The following KMT2A variants were observed in gnomAD, a reference collection of about 807,000 sequenced individuals.
The protein encoded by KMT2A is lysine methyltransferase 2A, also known as histone-lysine N-methyltransferase 2A.
Under a neutral mutation model 345.3 loss-of-function variants are expected in KMT2A, and 16 were observed. That is an observed-to-expected ratio of 0.05 (90% CI 0.03 to 0.07). The LOEUF is 0.07. Ranked by LOEUF, KMT2A falls within the 10% of genes least tolerant of loss-of-function variation. The pLI is 1.00. For synonymous variants in KMT2A, 1,599 were observed against 1,778.6 expected (o/e 0.90, Z 2.54); for missense variants, 3,272 against 4,841.6 (o/e 0.68, Z 9.62).
intron 1 of KMT2A, among the ~76,000 whole-genome samples, chr11:118,460,683 G>T (rs373383201): frequency 8.5e-5 from 13 of 152,142 alleles, no homozygotes; most frequent in Admixed American, 3.9e-4. Flanking sequence ...TTAGAGACAG[G>T]ATCTGGCTAT....
rs1555049622 is a variant in KMT2A at position 118,509,930 on chromosome 11, C to T, written c.10901-18C>T. ...GAGCATTTGTTACTGCAACCACTAT[C>T]TATTTTCTCCCTATTAGAACCTAAA... On this transcript the variant is annotated intron_variant, in intron 29 of 35. Transcript: ENST00000534358. 1 of 1,573,766 alleles carries T rather than the reference C, an allele frequency of 6.4e-7. No homozygotes were observed. Among genetic ancestry groups the T allele is most frequent in the Admixed American group, 1.8e-5 (1 of 55,234 alleles).
At position 118,504,546 on chromosome 11, in the gene KMT2A, G is replaced by T; in HGVS notation, c.8654G>T (p.Gly2885Val). The change falls in exon 27 of 36, where the codon GGT becomes GTT. Residue 2885 changes from glycine (G) to valine (V), a missense_variant. Physicochemically the swap from Gly to Val is moderately radical, Grantham distance 109 (BLOSUM62 -3). This residue lies in a region of KMT2A where 17 missense variants were observed against 50.6 expected (regional missense o/e 0.34). Transcript: ENST00000534358. This position sits in a 1 kb window ranked among gnomAD's most constrained non-coding sequence, Gnocchi z 6.4. ...SELLNLGEGL[G>V]LDSNREKDMG... ...CTCCTGAATCTTGGTGAAGGATTGG[G>T]TCTTGACAGTAATCGTGAAAAAGAC... 6.2e-7 allele frequency: 1 copy of T among 1,614,182 alleles called. No individual in the cohort carries two copies. Among genetic ancestry groups the T allele is most frequent in the Admixed American group, 1.7e-5 (1 of 60,028 alleles).
chr11:118,482,697 G>GCCAGCAGTTCAAGA lies in KMT2A; in HGVS notation c.4086+208_4086+221dup, dbSNP rs60560012. Reference sequence around the variant, plus strand: ...GGCTGAGGTGGGAGGATTGCTTGAGGCCAGCAGTTCAAGACCAGCCTGGGC... The same window carrying GCCAGCAGTTCAAGA: ...GGCTGAGGTGGGAGGATTGCTTGAGGCCAGCAGTTCAAGACCAGCAGTTCAAGACCAGCCTGGGC... On this transcript the variant is annotated intron_variant, in intron 8 of 35. Transcript: ENST00000534358. 0.02 allele frequency among the ~76,000 whole-genome samples: 3,060 copies of GCCAGCAGTTCAAGA among 151,326 alleles called. 52 individuals are homozygous for GCCAGCAGTTCAAGA. The highest frequency in any genetic ancestry group is 0.033 in the Non-Finnish European group (2,272 of 67,822).
rs1555045793 is a variant in KMT2A at position 118,501,813 on chromosome 11, C to G, written c.6461C>G (p.Ser2154Cys). 1 of 1,614,048 alleles carries G rather than the reference C, an allele frequency of 6.2e-7. No individual in the cohort carries two copies. Among genetic ancestry groups the G allele is most frequent in the Non-Finnish European group, 8.5e-7 (1 of 1,179,982 alleles). ...KVPRIRTPSY[S>C]PTQRSPGCRP... ...CCCAGGATTCGAACACCCAGTTATT[C>G]TCCAACACAGAGATCCCCTGGCTGT... is the stretch of plus-strand genomic sequence containing the variant. Residue 2154 changes from serine to cysteine, a missense_variant, in exon 26 of 36, where the codon TCT (serine) becomes TGT (cysteine). Ser to Cys is a moderately radical substitution (Grantham distance 112). Coordinates refer to ENST00000534358, the MANE Select transcript of KMT2A (RefSeq NM_001197104.2).
rs1017238880 is a variant in KMT2A at position 118,523,253 on chromosome 11, C to T, written c.*1081C>T. ...CTAAGACATGGTTACTTTATTTTCC[C>T]CTTGTTAAGACATAGGAAGACTTAA... On this transcript the variant is annotated 3_prime_UTR_variant, in exon 36 of 36. Transcript: ENST00000534358. 19 of 228,898 alleles carry T rather than the reference C, an allele frequency of 8.3e-5. No individual in the cohort carries two copies. Among genetic ancestry groups the T allele is most frequent in the Admixed American group, 6.8e-4 (12 of 17,618 alleles). The allele number at this position is 228,898 out of a possible 1,614,324, so 14.2% of individuals were successfully genotyped here. A position where few individuals can be genotyped will look rare whatever the true frequency, so the allele number is the denominator to read the frequency against.
rs1555036652 is a variant in KMT2A, at chr11:118,473,780, G to T, written c.2621G>T (p.Arg874Ile). ...ADKSVEKDKSRERDREREKEN... is the reference protein window; with the variant it reads ...ADKSVEKDKSIERDREREKEN... ...AAGAGCGTGGAGAAGGACAAGAGTA[G>T]AGAGAGAGACCGGGAGAGAGAAAAG... The change falls in exon 3 of 36, where the codon AGA (arginine) becomes ATA (isoleucine). Residue 874 changes from arginine to isoleucine, a missense_variant. Around this residue, in one of 27 missense-constraint regions of KMT2A, gnomAD observed 209 missense variants for 237.4 expected, o/e 0.88. Transcript: ENST00000534358. The surrounding 1 kb of genome is among the most constrained non-coding windows in gnomAD (Gnocchi z 5.2). 5 of 1,613,246 alleles carry T rather than the reference G, an allele frequency of 3.1e-6. 1 individual carries two copies. In the Admixed American group the frequency reaches 8.3e-5, roughly 27 times the overall value.
rs1555045177 is a variant in KMT2A, at chr11:118,499,919, T to A, written c.6158+6T>A. On this transcript the variant is annotated splice_donor_region_variant and intron_variant, in intron 24 of 35. Coordinates refer to ENST00000534358, the MANE Select transcript of KMT2A (RefSeq NM_001197104.2). ...CTCTTTCCTATTGGATATCAGTAAG[T>A]AGCACTATAAAGAGAAGAGAGCAGC... is the stretch of plus-strand genomic sequence containing the variant. 6.3e-7 allele frequency: 1 copy of A among 1,590,250 alleles called. No individual in the cohort carries two copies.
Position 118,481,940 on chromosome 11 carries a change from C to T in KMT2A, c.3860C>T (p.Thr1287Ile). 1.2e-6 allele frequency: 2 copies of T among 1,614,192 alleles called. No homozygotes were observed. Among genetic ancestry groups the T allele is most frequent in the Non-Finnish European group, 1.7e-6 (2 of 1,180,050 alleles). ...SAPGPESKQA[T>I]TPASRKSSKQ... ...CCTGGGCCTGAATCCAAACAGGCCA[C>T]CACTCCAGCTTCCAGGAAGTCAAGC... The change falls in exon 7 of 36, where the codon ACC becomes ATC. Residue 1287 changes from threonine (T) to isoleucine (I), a missense_variant. By Grantham distance (89) the Thr-to-Ile change is moderately conservative. Coordinates refer to ENST00000534358, the MANE Select transcript of KMT2A (RefSeq NM_001197104.2).
At position 118,484,035 on chromosome 11, in the gene KMT2A, T is replaced by TA. The variant is rs200069252; in HGVS notation, c.4087-139dup. ...CAACAAAGCAAGACCCAGTCTCTTT[T>TA]AAAAAAAAATTCAAAGATTATTTGT... On this transcript the variant is annotated intron_variant, in intron 8 of 35. Coordinates refer to ENST00000534358, the MANE Select transcript of KMT2A (RefSeq NM_001197104.2). This position sits in a 1 kb window ranked among gnomAD's most constrained non-coding sequence, Gnocchi z 4.1. 257 of 811,506 alleles carry TA rather than the reference T, an allele frequency of 3.2e-4. No homozygotes were observed. Among genetic ancestry groups the TA allele is most frequent in the African/African-American group, 5.4e-4 (31 of 57,610 alleles). 50.3% of individuals were successfully genotyped at this position (811,506 alleles called of 1,614,324 possible). A position where few individuals can be genotyped will look rare whatever the true frequency, so the allele number is the denominator to read the frequency against.
chr11:118,500,126 A>G (rs1366231643), intron 24 of KMT2A, among the ~76,000 whole-genome samples: 1 of 152,186 alleles, frequency 6.6e-6, no homozygotes, highest in Non-Finnish European at 1.5e-5. Flanking sequence ...TATTGACATA[A>G]TTTCAGAATT....
intron 29 of KMT2A, 64 bp downstream of exon 29, chr11:118,509,264 C>G (rs79275381): frequency 8.1e-7 from 1 of 1,236,650 alleles, no homozygotes; most frequent in Non-Finnish European, 1.2e-6. Context: ...ATGAGAATCA[C>G]CCACTTTACC....
intron 1 of KMT2A, 41 bp from the exon 2 acceptor site, chr11:118,468,734 G>T: frequency 1.3e-6 from 2 of 1,541,074 alleles, no homozygotes; most frequent in Non-Finnish European, 1.8e-6. Context: ...TTGTATGCAC[G>T]TTTTTGCTTC....
In KMT2A at chr11:118,484,573, A is replaced by G. The variant is rs1950198114; in HGVS notation, c.4218+259A>G. On this transcript the variant is annotated intron_variant, in intron 9 of 35. Transcript: ENST00000534358. This position sits in a 1 kb window ranked among gnomAD's most constrained non-coding sequence, Gnocchi z 4.1. Reference sequence around the variant, plus strand: ...GTATCAGAGGAAGTAATTCCTTCACATGGAAAGTATCAAACCATGATGATT... The same window carrying G: ...GTATCAGAGGAAGTAATTCCTTCACGTGGAAAGTATCAAACCATGATGATT... Among the ~76,000 whole-genome samples the G allele has an allele frequency of 6.6e-6, 1 of 152,230 alleles. No homozygotes were observed. Among genetic ancestry groups the G allele is most frequent in the Non-Finnish European group, 1.5e-5 (1 of 68,044 alleles).
At chr11:118,509,740 T>TA (rs1295881003) in intron 29 of KMT2A, among the ~76,000 whole-genome samples, 2 of 151,464 alleles carry the variant, frequency 1.3e-5, no homozygotes, top group Non-Finnish European at 2.9e-5. Context: ...TAACTTCATG[T>TA]AAAAAAAAAT....
At chr11:118,465,368 A>G (rs1555033893) in intron 1 of KMT2A, among the ~76,000 whole-genome samples, 1 of 152,240 alleles carries the variant, frequency 6.6e-6, no homozygotes, top group African/African-American at 2.4e-5. Flanking sequence ...AGCTGGTATC[A>G]TGGCTTACAA....
At chr11:118,500,006 G>T in intron 24 of KMT2A, 93 bp downstream of exon 24, 6 of 805,432 alleles carry the variant, frequency 7.4e-6, no homozygotes, top group Non-Finnish European at 4.2e-6. Context: ...ATACCTGTTA[G>T]CTACTTTAAA....
At chr11:118,507,886 C>A (rs1218353276) in intron 28 of KMT2A, 3 of 317,440 alleles carry the variant, frequency 9.5e-6, no homozygotes, top group African/African-American at 2.1e-5. Flanking sequence ...GGGCGTGAAC[C>A]CAGGAGGCGG....
chr11:118,498,778 G>T lies in KMT2A; in HGVS notation c.5961+250G>T, dbSNP rs571780725. ...TACATCAGCATTCACTCTTGGTGTTGTACATTCTGTGGGTTTGGACAAATG... is the reference window on the plus strand; with the variant it reads ...TACATCAGCATTCACTCTTGGTGTTTTACATTCTGTGGGTTTGGACAAATG... On this transcript the variant is annotated intron_variant, in intron 22 of 35. Coordinates refer to ENST00000534358, the MANE Select transcript of KMT2A (RefSeq NM_001197104.2). The surrounding 1 kb of genome is among the most constrained non-coding windows in gnomAD (Gnocchi z 4.4). Among the ~76,000 whole-genome samples, 29 of 152,230 alleles carry T rather than the reference G, an allele frequency of 1.9e-4. No individual in the cohort carries two copies. Among genetic ancestry groups the T allele is most frequent in the Non-Finnish European group, 3.5e-4 (24 of 68,020 alleles).
At position 118,493,991 on chromosome 11, in the gene KMT2A, G is replaced by A. The variant is rs149272864; in HGVS notation, c.5179-297G>A. The stretch of plus-strand genomic sequence containing the variant: ...CTCCCAAAGTGCTGGGATTACAGGC[G>A]TGAGCCACTGTTTATTTATTTTAAT... On this transcript the variant is annotated intron_variant, in intron 16 of 35. Transcript: ENST00000534358. This position sits in a 1 kb window ranked among gnomAD's most constrained non-coding sequence, Gnocchi z 5.8. Among the ~76,000 whole-genome samples, 273 of 152,268 alleles carry A rather than the reference G, an allele frequency of 1.8e-3. No homozygotes were observed. The highest frequency in any genetic ancestry group is 5.8e-3 in the Admixed American group (89 of 15,294).
Sources: allele counts gnomAD v4.1 joint callset (sites outside exome capture counted in the v4.1 genomes callset), GRCh38; gene constraint gnomAD v4.1.1; regional missense constraint gnomAD v4.1.1; non-coding constraint Gnocchi (gnomAD v3.1); transcripts MANE v1.5; gene names NCBI Gene and HGNC (gene_info 2026-07-23, HGNC 2026-07-21).